GRIA1: variants seen among roughly 807,000 people sequenced by gnomAD.
GRIA1 encodes glutamate receptor 1.
In GRIA1, 31 loss-of-function variants were observed where a neutral mutation model predicts 99.2. The observed-to-expected ratio is 0.31, with a 90% confidence interval of 0.23 to 0.42. GRIA1 has a LOEUF of 0.42. Among genes scored for constraint, GRIA1 ranks in the 10% least tolerant of loss-of-function variants. GRIA1 has a pLI of 1.00. For missense variants in GRIA1, 782 were observed against 1,157.5 expected (o/e 0.68, Z 4.71); for synonymous variants, 438 against 432.4 (o/e 1.01, Z -0.16).
At chr5:153,508,465 A>G (rs1405329594) in intron 2 of GRIA1, among the ~76,000 whole-genome samples, 2 of 152,172 alleles carry the variant, frequency 1.3e-5, no homozygotes, top group Non-Finnish European at 2.9e-5. Context: ...AAAAAACAGT[A>G]AGCATAAAGG....
chr5:153,721,000 T>A (rs189801523), intron 11 of GRIA1, among the ~76,000 whole-genome samples: 1 of 152,078 alleles, frequency 6.6e-6, no homozygotes. Flanking sequence ...ATAGGAGAGA[T>A]AGACATTGGT....
chr5:153,677,898 G>T (rs910081265), intron 7 of GRIA1, among the ~76,000 whole-genome samples: 1 of 152,174 alleles, frequency 6.6e-6, no homozygotes, highest in Non-Finnish European at 1.5e-5. Flanking sequence ...GATCTCTAAA[G>T]CACCTCAAGC....
intron 2 of GRIA1, among the ~76,000 whole-genome samples, chr5:153,590,907 T>C (rs1195841194): frequency 6.6e-6 from 1 of 152,192 alleles, no homozygotes; most frequent in Non-Finnish European, 1.5e-5. Flanking sequence ...GAGAAGATTA[T>C]TTGTAAGAGT....
At chr5:153,651,272 C>A (rs1376416161) in intron 4 of GRIA1, among the ~76,000 whole-genome samples, 2 of 152,080 alleles carry the variant, frequency 1.3e-5, no homozygotes, top group South Asian at 4.2e-4. Flanking sequence ...AAGCAGCAGG[C>A]ACCTTTATTT....
At chr5:153,615,539 G>T (rs1766413657) in intron 2 of GRIA1, among the ~76,000 whole-genome samples, 1 of 152,222 alleles carries the variant, frequency 6.6e-6, no homozygotes, top group East Asian at 1.9e-4. Context: ...AGCTTCTCAG[G>T]AGACTGAGGC....
chr5:153,684,771 T>G (rs1757229280), intron 7 of GRIA1, among the ~76,000 whole-genome samples: 1 of 152,222 alleles, frequency 6.6e-6, no homozygotes, highest in Non-Finnish European at 1.5e-5. Flanking sequence ...ATCTGTACTT[T>G]GTTTTCTCTC....
intron 2 of GRIA1, among the ~76,000 whole-genome samples, chr5:153,635,730 G>A (rs376475539): frequency 3.9e-5 from 6 of 152,184 alleles, no homozygotes; most frequent in South Asian, 2.1e-4. Flanking sequence ...GTCCCCACAC[G>A]TGGTAGAGCC....
At chr5:153,657,796 A>G (rs1755062194) in intron 5 of GRIA1, among the ~76,000 whole-genome samples, 1 of 152,202 alleles carries the variant, frequency 6.6e-6, no homozygotes, top group African/African-American at 2.4e-5. Context: ...GAAGTAGGTT[A>G]ATTTAGGCCC....
At chr5:153,495,551 C>T (rs1234906996) in intron 2 of GRIA1, among the ~76,000 whole-genome samples, 1 of 152,116 alleles carries the variant, frequency 6.6e-6, no homozygotes, top group African/African-American at 2.4e-5. Flanking sequence ...AGGCAGAGGT[C>T]TAATAAAGTA....
intron 5 of GRIA1, among the ~76,000 whole-genome samples, chr5:153,662,586 G>A (rs1300326420): frequency 6.6e-6 from 1 of 152,146 alleles, no homozygotes; most frequent in Admixed American, 6.5e-5. Context: ...GAAGAATCCA[G>A]CGGAGTGAGA....
chr5:153,747,057 G>A (rs1332747914), intron 11 of GRIA1, among the ~76,000 whole-genome samples: 2 of 152,136 alleles, frequency 1.3e-5, no homozygotes, highest in African/African-American at 4.8e-5. Flanking sequence ...TAACAAAAGG[G>A]GATGTGTTAG....
At chr5:153,530,998 G>C (rs1758047909) in intron 2 of GRIA1, among the ~76,000 whole-genome samples, 2 of 152,296 alleles carry the variant, frequency 1.3e-5, no homozygotes, top group South Asian at 4.1e-4. Context: ...TAAAGGTCAG[G>C]GGGAAAATAA....
At chr5:153,511,685 G>T (rs1756089125) in intron 2 of GRIA1, among the ~76,000 whole-genome samples, 1 of 152,198 alleles carries the variant, frequency 6.6e-6, no homozygotes, top group Admixed American at 6.5e-5. Flanking sequence ...GGATTTATCT[G>T]CAGTCAGGTA....
chr5:153,808,346 G>A (rs1383344861), intron 15 of GRIA1, among the ~76,000 whole-genome samples: 1 of 152,040 alleles, frequency 6.6e-6, no homozygotes, highest in African/African-American at 2.4e-5. Context: ...AAAGGCTAGG[G>A]GAGAAGTGAC....
chr5:153,516,732 T>A (rs1454963720), intron 2 of GRIA1, among the ~76,000 whole-genome samples: 1 of 152,150 alleles, frequency 6.6e-6, no homozygotes, highest in African/African-American at 2.4e-5. Flanking sequence ...TCTGCACTTT[T>A]CATATCAAAG....
intron 2 of GRIA1, among the ~76,000 whole-genome samples, chr5:153,586,251 A>G (rs1242356391): frequency 6.6e-6 from 1 of 152,212 alleles, no homozygotes; most frequent in African/African-American, 2.4e-5. Context: ...TTATGGTTGT[A>G]TTTCTAGCAT....
chr5:153,797,115 A>G (rs1372172235), intron 14 of GRIA1, among the ~76,000 whole-genome samples: 2 of 152,166 alleles, frequency 1.3e-5, no homozygotes, highest in African/African-American at 4.8e-5. Context: ...AGCCCTTGAG[A>G]CCAAGAGATG....
intron 5 of GRIA1, among the ~76,000 whole-genome samples, chr5:153,656,275 A>G (rs1754942080): frequency 6.6e-6 from 1 of 151,702 alleles, no homozygotes. Flanking sequence ...TTACATCATA[A>G]TTACACTAGT....
chr5:153,764,370 C>A, intron 11 of GRIA1, 64 bp from the exon 12 acceptor site: 2 of 1,279,166 alleles, frequency 1.6e-6, no homozygotes, highest in Non-Finnish European at 2.3e-6. Context: ...CGTGCTCAGT[C>A]CCTCCCCAGA....
Sources: allele counts gnomAD v4.1 joint callset (sites outside exome capture counted in the v4.1 genomes callset), GRCh38; gene constraint gnomAD v4.1.1; transcripts MANE v1.5; gene names NCBI Gene and HGNC (gene_info 2026-07-23, HGNC 2026-07-21).